Variants in ZNF148 observed in about 807,000 individuals in gnomAD.
ZNF148 encodes the protein zinc finger protein 148.
In ZNF148, 7 loss-of-function variants were observed where a neutral mutation model predicts 67.7. The observed-to-expected ratio is 0.10, with a 90% CI of 0.06 to 0.19. ZNF148 has a LOEUF of 0.19. Ranked by LOEUF, ZNF148 falls within the 10% of genes least tolerant of loss-of-function variation. The pLI, the probability that ZNF148 is intolerant of heterozygous loss-of-function variation, is 1.00. For missense variants in ZNF148, 583 were observed against 947.1 expected, an observed-to-expected ratio of 0.62 and a Z score of 5.05; for synonymous variants, 333 against 330.7, an observed-to-expected ratio of 1.01 and a Z score of -0.08.
chr3:125,227,496 GT>G lies in ZNF148; in HGVS notation c.*4844del, dbSNP rs946755673. On this transcript the variant is annotated 3_prime_UTR_variant, in exon 9 of 9. Coordinates refer to ENST00000360647, the MANE Select transcript of ZNF148 (RefSeq NM_021964.3). ...TCTTCTGTACAATGTTTATAAACTT[GT>G]TTTTCTTTTCAAAATCATCAGATTT... is the stretch of plus-strand genomic sequence containing the variant. 1.8e-4 allele frequency: 28 copies of G among 152,654 alleles called. No individual in the cohort carries two copies. Among genetic ancestry groups the G allele is most frequent in the African/African-American group, 6.3e-4 (26 of 41,550 alleles). The allele number at this position is 152,654 out of a possible 1,614,324, so 9.5% of individuals were successfully genotyped here.
chr3:125,249,250 A>G (rs887569064), intron 7 of ZNF148, among the ~76,000 whole-genome samples: 3 of 152,214 alleles, frequency 2.0e-5, no homozygotes, highest in Non-Finnish European at 4.4e-5. Context: ...GGGAAAAAAC[A>G]TTTGCAAGCC....
chr3:125,306,986 CA>C (rs1330585818), intron 4 of ZNF148, among the ~76,000 whole-genome samples: 1 of 150,424 alleles, frequency 6.6e-6, no homozygotes, highest in Non-Finnish European at 1.5e-5. Flanking sequence ...TTTCAGAAAA[CA>C]GAGAAGGAAA....
chr3:125,269,637 C>T (rs1002649444), intron 7 of ZNF148, among the ~76,000 whole-genome samples: 4 of 151,990 alleles, frequency 2.6e-5, no homozygotes, highest in Admixed American at 2.0e-4. Context: ...AAAATTCTAC[C>T]GAATGACACA....
chr3:125,233,407 C>T lies in ZNF148; in HGVS notation c.1319G>A (p.Gly440Asp), dbSNP rs370210516. Residue 440 changes from glycine (G) to aspartate (D), a missense_variant, in exon 9 of 9, where the codon GGC becomes GAC. Physicochemically the swap from Gly to Asp is moderately conservative, Grantham distance 94 (BLOSUM62 -1). Coordinates refer to ENST00000360647, the MANE Select transcript of ZNF148 (RefSeq NM_021964.3). The surrounding 1 kb of genome is among the most constrained non-coding windows in gnomAD (Gnocchi z 5.1). ...VDKQALLDSE[G>D]NADIDQVDNL... Reference sequence around the variant, plus strand: ...ATCAACCTGATCAATGTCAGCATTGCCTTCTGAGTCCAGTAAAGCCTGTTT... The same window carrying T: ...ATCAACCTGATCAATGTCAGCATTGTCTTCTGAGTCCAGTAAAGCCTGTTT... The T allele has an allele frequency of 1.9e-6, 3 of 1,613,834 alleles. No individual in the cohort carries two copies. The highest frequency in any genetic ancestry group is 2.5e-6 in the Non-Finnish European group (3 of 1,179,936).
intron 1 of ZNF148, among the ~76,000 whole-genome samples, chr3:125,342,130 TAA>T: frequency 6.8e-6 from 1 of 147,044 alleles, no homozygotes; most frequent in Non-Finnish European, 1.5e-5. Flanking sequence ...TACAGGGCAA[TAA>T]AAAAAAAAAA....
intron 4 of ZNF148, among the ~76,000 whole-genome samples, chr3:125,301,017 GCTAT>G (rs562635876): frequency 3.4e-4 from 51 of 152,156 alleles, no homozygotes; most frequent in African/African-American, 1.2e-3. Context: ...CTAATATAGT[GCTAT>G]CTAATAAAAT....
At chr3:125,317,662 T>TATATAGAG (rs752542874) in intron 3 of ZNF148, among the ~76,000 whole-genome samples, 137 of 90,042 alleles carry the variant, frequency 1.5e-3, no homozygotes, top group African/African-American at 4.6e-3. Flanking sequence ...TATATATATA[T>TATATAGAG]AGAGAGAGAG....
chr3:125,323,038 G>A (rs1360462651), intron 3 of ZNF148, among the ~76,000 whole-genome samples: 1 of 152,082 alleles, frequency 6.6e-6, no homozygotes, highest in Non-Finnish European at 1.5e-5. Flanking sequence ...ATACCCTGTT[G>A]AGAAAAAGTG....
chr3:125,349,819 T>A (rs1360554153), intron 1 of ZNF148, among the ~76,000 whole-genome samples: 1 of 152,188 alleles, frequency 6.6e-6, no homozygotes, highest in African/African-American at 2.4e-5. Context: ...ACAGCTCAGA[T>A]GACAGAGCCA....
At chr3:125,347,435 C>G (rs1172679003) in intron 1 of ZNF148, among the ~76,000 whole-genome samples, 1 of 152,154 alleles carries the variant, frequency 6.6e-6, no homozygotes, top group Non-Finnish European at 1.5e-5. Context: ...GATTTTAAAA[C>G]TAACAAAGCT....
At chr3:125,357,060 A>G (rs1274576383) in intron 1 of ZNF148, 1 of 152,264 alleles carries the variant, frequency 6.6e-6, no homozygotes. Flanking sequence ...ACGGGTGTCC[A>G]TCATCAGCCT....
chr3:125,255,687 G>A (rs894250836), intron 7 of ZNF148, among the ~76,000 whole-genome samples: 2 of 151,590 alleles, frequency 1.3e-5, no homozygotes, highest in South Asian at 4.2e-4. Context: ...TTTTACCTTC[G>A]TTTTTTATGA....
chr3:125,326,846 A>G (rs1386724554), intron 2 of ZNF148, among the ~76,000 whole-genome samples: 1 of 141,122 alleles, frequency 7.1e-6, no homozygotes, highest in East Asian at 1.9e-4. Flanking sequence ...GTATACAGAT[A>G]TATATGTATA....
chr3:125,236,105 A>AG (rs1036244181), intron 7 of ZNF148, among the ~76,000 whole-genome samples: 2 of 151,496 alleles, frequency 1.3e-5, no homozygotes, highest in African/African-American at 4.9e-5. Flanking sequence ...ATTAAAAAAA[A>AG]AGAAATAATT....
intron 4 of ZNF148, among the ~76,000 whole-genome samples, chr3:125,294,590 A>G (rs1387277963): frequency 1.3e-5 from 2 of 152,228 alleles, no homozygotes; most frequent in African/African-American, 4.8e-5. Context: ...CTGCCTCCTC[A>G]GCATATACTA....
At chr3:125,257,637 G>A (rs1349092502) in intron 7 of ZNF148, among the ~76,000 whole-genome samples, 1 of 150,622 alleles carries the variant, frequency 6.6e-6, no homozygotes, top group Non-Finnish European at 1.5e-5. Context: ...TTCAGACTAG[G>A]TTATTTGTGG....
intron 1 of ZNF148, among the ~76,000 whole-genome samples, chr3:125,374,140 T>C (rs964841139): frequency 5.3e-5 from 8 of 152,082 alleles, no homozygotes; most frequent in Non-Finnish European, 8.8e-5. Flanking sequence ...TCATACTCAT[T>C]GGTGCACGTC....
chr3:125,293,438 T>G (rs555384197), intron 4 of ZNF148, among the ~76,000 whole-genome samples: 1 of 152,316 alleles, frequency 6.6e-6, no homozygotes, highest in African/African-American at 2.4e-5. Context: ...CATCCAGAAC[T>G]TAGTTTCTAA....
intron 1 of ZNF148, among the ~76,000 whole-genome samples, chr3:125,343,712 C>G (rs746649924): frequency 2.6e-5 from 4 of 152,088 alleles, no homozygotes; most frequent in African/African-American, 9.7e-5. Flanking sequence ...GCAATCCGCT[C>G]GGGTCCCCAT....
Sources: gnomAD v4.1 joint callset for allele counts (sites outside exome capture counted in the v4.1 genomes callset) on GRCh38, gnomAD v4.1.1 for gene constraint, Gnocchi (gnomAD v3.1) non-coding constraint, MANE v1.5 for transcripts, NCBI Gene and HGNC (gene_info 2026-07-23, HGNC 2026-07-21) for gene names.